Variants in LCOR observed in about 807,000 individuals in gnomAD.
The protein encoded by LCOR is ligand dependent nuclear receptor corepressor.
A neutral mutation model predicts 64.4 loss-of-function variants in LCOR; 14 were observed. The observed-to-expected ratio is 0.22, with a 90% CI of 0.14 to 0.34. The LOEUF (loss-of-function observed/expected upper bound fraction) is 0.34, where lower values mean the gene tolerates loss of function less well. Ranked by LOEUF, LCOR falls within the 10% of genes least tolerant of loss-of-function variation. The pLI is 1.00. For synonymous variants in LCOR, 643 were observed against 642.5 expected (o/e 1.00, Z -0.01); for missense variants, 1,686 against 1,765.3 (o/e 0.96, Z 0.80).
intron 2 of LCOR, among the ~76,000 whole-genome samples, chr10:96,883,333 G>T (rs1240138441): frequency 6.6e-6 from 1 of 152,160 alleles, no homozygotes; most frequent in Admixed American, 6.5e-5. Flanking sequence ...GCCCCAGCCT[G>T]TGTGCAGGTT....
intron 2 of LCOR, among the ~76,000 whole-genome samples, chr10:96,902,938 A>G (rs975014056): frequency 6.6e-6 from 1 of 152,206 alleles, no homozygotes; most frequent in Admixed American, 6.5e-5. Context: ...AATATAGCCT[A>G]CTACATACCT....
chr10:96,916,611 ATATATG>A (rs1846953743), intron 4 of LCOR, among the ~76,000 whole-genome samples: 2 of 149,884 alleles, frequency 1.3e-5, no homozygotes, highest in African/African-American at 4.9e-5. Flanking sequence ...ATATATCTAT[ATATATG>A]ATTATTTATT....
At chr10:96,949,377 G>A (rs1847639740) in intron 6 of LCOR, 82 bp downstream of exon 6, 1 of 1,217,428 alleles carries the variant, frequency 8.2e-7, no homozygotes, top group South Asian at 1.3e-5. Context: ...GGCAAGTAGA[G>A]CATCAGCAGC....
chr10:96,969,604 G>C (rs1426255514), intron 7 of LCOR, among the ~76,000 whole-genome samples: 1 of 152,240 alleles, frequency 6.6e-6, no homozygotes, highest in African/African-American at 2.4e-5. Flanking sequence ...GGGTGGGAAT[G>C]TGTATGTTTA....
At chr10:96,930,555 T>C (rs1041868179) in intron 4 of LCOR, among the ~76,000 whole-genome samples, 8 of 152,250 alleles carry the variant, frequency 5.3e-5, no homozygotes, top group Non-Finnish European at 8.8e-5. Flanking sequence ...AGTGTTTTTA[T>C]ACTGTCATTT....
chr10:96,908,967 G>C (rs537506996), intron 4 of LCOR, among the ~76,000 whole-genome samples: 1 of 151,526 alleles, frequency 6.6e-6, no homozygotes, highest in African/African-American at 2.4e-5. Context: ...CGCCCGCCTC[G>C]GCCTCCCAAA....
intron 2 of LCOR, among the ~76,000 whole-genome samples, chr10:96,838,335 TG>T (rs1300161360): frequency 6.6e-6 from 1 of 152,204 alleles, no homozygotes; most frequent in Non-Finnish European, 1.5e-5. Context: ...TTGCCCAGGC[TG>T]GTCTTGAACT....
chr10:96,850,890 T>C (rs1172968785), intron 2 of LCOR, among the ~76,000 whole-genome samples: 1 of 152,240 alleles, frequency 6.6e-6, no homozygotes, highest in Non-Finnish European at 1.5e-5. Context: ...ATCACTGTTC[T>C]GGCATTATTG....
At chr10:96,895,399 T>A (rs867751757) in intron 2 of LCOR, among the ~76,000 whole-genome samples, 7 of 152,180 alleles carry the variant, frequency 4.6e-5, no homozygotes, top group African/African-American at 1.7e-4. Context: ...CTCTATGGGG[T>A]CACTACCCTC....
intron 2 of LCOR, among the ~76,000 whole-genome samples, chr10:96,837,422 A>ATTTTTTTTTTTTTTT (rs1203034266): frequency 4.0e-5 from 6 of 151,432 alleles, no homozygotes; most frequent in African/African-American, 1.5e-4. Flanking sequence ...CGCCCAGCTA[A>ATTTTTTTTTTTTTTT]TTTTTTTGTA....
At position 96,987,546 on chromosome 10, in the gene LCOR, G is replaced by A. The variant is rs1397270363; in HGVS notation, c.*2412G>A. On this transcript the variant is annotated 3_prime_UTR_variant, in exon 8 of 8. Coordinates refer to ENST00000421806, the MANE Select transcript of LCOR (RefSeq NM_001346516.2). Reference sequence around the variant, plus strand: ...GCTGTGTGTGAGAAAAGGTGTTAATGTGTATGTATGTATTTTATATACCTA... The same window carrying A: ...GCTGTGTGTGAGAAAAGGTGTTAATATGTATGTATGTATTTTATATACCTA... 6.6e-6 allele frequency: 1 copy of A among 152,160 alleles called. No homozygotes were observed. The highest frequency in any genetic ancestry group is 1.5e-5 in the Non-Finnish European group (1 of 68,030). 9.4% of individuals were successfully genotyped at this position (152,160 alleles called of 1,614,324 possible). A position where few individuals can be genotyped will look rare whatever the true frequency, so the allele number is the denominator to read the frequency against.
At position 96,987,149 on chromosome 10, in the gene LCOR, A is replaced by G. The variant is rs188500193; in HGVS notation, c.*2015A>G. 2.0e-5 allele frequency: 3 copies of G among 152,350 alleles called. No homozygotes were observed. The highest frequency in any genetic ancestry group is 2.0e-4 in the Admixed American group (3 of 15,308). 9.4% of individuals were successfully genotyped at this position (152,350 alleles called of 1,614,324 possible). ...AAAACTGCTGAGTGTGTATGTTGGC[A>G]ACCCTTTCTCAGCATTAAGTTGCAC... is the stretch of plus-strand genomic sequence containing the variant. On this transcript the variant is annotated 3_prime_UTR_variant, in exon 8 of 8. Coordinates refer to ENST00000421806, the MANE Select transcript of LCOR (RefSeq NM_001346516.2).
At position 96,913,192 on chromosome 10, in the gene LCOR, C is replaced by T. The variant is rs577741500; in HGVS notation, c.-184+5445C>T. ...AGAACTGTGTAAGAATTCAAGGTGT[C>T]GGTACTAGGTGTATGTACTCTTGGT... On this transcript the variant is annotated intron_variant, in intron 4 of 7. Coordinates refer to ENST00000421806, the MANE Select transcript of LCOR (RefSeq NM_001346516.2). 5.3e-5 allele frequency among the ~76,000 whole-genome samples: 8 copies of T among 152,028 alleles called. No homozygotes were observed. In the East Asian group the frequency reaches 7.7e-4, roughly 15 times the overall value.
chr10:96,993,213 C>T lies in LCOR; in HGVS notation c.*8079C>T, dbSNP rs1848215835. 1 of 152,206 alleles carries T rather than the reference C, an allele frequency of 6.6e-6. No homozygotes were observed. Among genetic ancestry groups the T allele is most frequent in the African/African-American group, 2.4e-5 (1 of 41,446 alleles). 9.4% of individuals were successfully genotyped at this position (152,206 alleles called of 1,614,324 possible). The stretch of plus-strand genomic sequence containing the variant: ...ATTGCAACTCCAGGACAGCAGGGAG[C>T]TTTGGGACTAGGCACGCAGGGGTTT... On this transcript the variant is annotated 3_prime_UTR_variant, in exon 8 of 8. Coordinates refer to ENST00000421806, the MANE Select transcript of LCOR (RefSeq NM_001346516.2).
intron 7 of LCOR, among the ~76,000 whole-genome samples, chr10:96,965,497 C>A (rs1346736544): frequency 6.6e-6 from 1 of 150,484 alleles, no homozygotes; most frequent in African/African-American, 2.4e-5. Context: ...CCCGTCTCTA[C>A]TAAAAATACA....
At chr10:96,915,381 CGTG>C (rs1368468037) in intron 4 of LCOR, among the ~76,000 whole-genome samples, 1 of 151,998 alleles carries the variant, frequency 6.6e-6, no homozygotes, top group Non-Finnish European at 1.5e-5. Flanking sequence ...ATTAGCCAGG[CGTG>C]GTGACGTGCG....
intron 7 of LCOR, among the ~76,000 whole-genome samples, chr10:96,973,409 A>C (rs908550590): frequency 2.0e-5 from 3 of 152,222 alleles, no homozygotes; most frequent in African/African-American, 7.2e-5. Context: ...TCAGGTGTGG[A>C]GGATACAACA....
intron 2 of LCOR, among the ~76,000 whole-genome samples, chr10:96,879,082 C>G (rs1846217442): frequency 6.6e-6 from 1 of 152,318 alleles, no homozygotes; most frequent in African/African-American, 2.4e-5. Flanking sequence ...AGTCTTGAGC[C>G]ACCACGCCTG....
In LCOR at chr10:96,982,849, G is replaced by A. The variant is rs1161669300; in HGVS notation, c.2389G>A (p.Glu797Lys). The A allele has an allele frequency of 5.0e-6, 8 of 1,613,960 alleles. No individual in the cohort carries two copies. The highest frequency in any genetic ancestry group is 1.6e-4 in the Middle Eastern group (1 of 6,084). Residue 797 changes from glutamate to lysine, a missense_variant, in exon 8 of 8, where the codon GAA becomes AAA. Around this residue, in one of 3 missense-constraint regions of LCOR, gnomAD observed 1,293 missense variants for 1,410.4 expected, o/e 0.92. Coordinates refer to ENST00000421806, the MANE Select transcript of LCOR (RefSeq NM_001346516.2). ...GTATGATACAAGCATTGACTCACTC[G>A]AAGAGAATTTGGACAAGAAGAAAAA... ...DTYDTSIDSL[E>K]ENLDKKKKGK... is the part of the protein sequence containing the mutation.
Sources: gnomAD v4.1 joint callset for allele counts (sites outside exome capture counted in the v4.1 genomes callset) on GRCh38, gnomAD v4.1.1 for gene constraint, gnomAD v4.1.1 regional missense constraint, MANE v1.5 for transcripts, NCBI Gene and HGNC (gene_info 2026-07-23, HGNC 2026-07-21) for gene names.